Variants in FMNL2 observed in about 807,000 individuals in gnomAD.
FMNL2 encodes formin-like protein 2.
In FMNL2, 51 loss-of-function variants were observed where a neutral mutation model predicts 130.2. That is an observed-to-expected ratio of 0.39 (90% CI 0.31 to 0.49). The LOEUF is 0.49. FMNL2 is among the 20% of genes least tolerant of loss of function. The pLI is 0.85. For synonymous variants in FMNL2, 465 were observed against 467.1 expected, an observed-to-expected ratio of 1.00 and a Z score of 0.06; for missense variants, 977 against 1,316.2, an observed-to-expected ratio of 0.74 and a Z score of 3.99.
intron 1 of FMNL2, among the ~76,000 whole-genome samples, chr2:152,440,233 C>T (rs922128398): frequency 3.9e-5 from 6 of 152,142 alleles, no homozygotes; most frequent in African/African-American, 7.2e-5. Context: ...GGATTAGAGG[C>T]GTGAGCCACA....
rs374051016 is a variant in FMNL2 at position 152,510,498 on chromosome 2, T to A, written c.118-11445T>A. On this transcript the variant is annotated intron_variant, in intron 1 of 25. Coordinates refer to ENST00000288670, the MANE Select transcript of FMNL2 (RefSeq NM_052905.4). ...TGGGAATTCTTCTATTTTTATGACA[T>A]CTTAAGGAGTTTAGCAGTTTAAAAA... 3.9e-5 allele frequency among the ~76,000 whole-genome samples: 6 copies of A among 152,214 alleles called. No individual in the cohort carries two copies. In the South Asian group the frequency reaches 8.3e-4, roughly 21 times the overall value.
At chr2:152,611,239 C>G (rs535937023) in intron 10 of FMNL2, among the ~76,000 whole-genome samples, 1 of 151,882 alleles carries the variant, frequency 6.6e-6, no homozygotes, top group Admixed American at 6.6e-5. Context: ...CTCGGGAGGC[C>G]GAGGCAGGAG....
intron 1 of FMNL2, among the ~76,000 whole-genome samples, chr2:152,490,185 A>C (rs137936287): frequency 2.8e-4 from 42 of 152,068 alleles, no homozygotes; most frequent in African/African-American, 9.6e-4. Flanking sequence ...TTGCAAAAAA[A>C]GGGGAAAGAG....
chr2:152,566,597 TA>T (rs1231732434), intron 6 of FMNL2, among the ~76,000 whole-genome samples: 1 of 152,180 alleles, frequency 6.6e-6, no homozygotes, highest in Non-Finnish European at 1.5e-5. Context: ...CAAGACTGAT[TA>T]TGGACTTAGT....
At chr2:152,490,234 A>G (rs140798142) in intron 1 of FMNL2, among the ~76,000 whole-genome samples, 112 of 151,664 alleles carry the variant, frequency 7.4e-4, no homozygotes, top group African/African-American at 2.7e-3. Flanking sequence ...TGAGGCCAGC[A>G]GTAGGGAATG....
At chr2:152,587,244 A>T (rs1697134475) in intron 9 of FMNL2, among the ~76,000 whole-genome samples, 1 of 152,156 alleles carries the variant, frequency 6.6e-6, no homozygotes, top group Non-Finnish European at 1.5e-5. Context: ...CTGCCATGTT[A>T]TCTGGGTTCC....
At chr2:152,409,374 G>A (rs1220333003) in intron 1 of FMNL2, among the ~76,000 whole-genome samples, 1 of 152,136 alleles carries the variant, frequency 6.6e-6, no homozygotes, top group African/African-American at 2.4e-5. Flanking sequence ...ATGGAGAAAG[G>A]TAATAAAATC....
At position 152,416,188 on chromosome 2, in the gene FMNL2, G is replaced by A. The variant is rs570410376; in HGVS notation, c.117+80468G>A. On this transcript the variant is annotated intron_variant, in intron 1 of 25. Coordinates refer to ENST00000288670, the MANE Select transcript of FMNL2 (RefSeq NM_052905.4). ...CAGAGGTACTATTGAAACTTTCTTC[G>A]GTAACCATAAGGGAAGAGGCAGAAG... Among the ~76,000 whole-genome samples the A allele has an allele frequency of 7.2e-5, 11 of 152,204 alleles. 1 individual carries two copies. The South Asian group carries it at 1.9e-3, about 26-fold the overall frequency.
rs577260827 is a variant in FMNL2 at position 152,646,167 on chromosome 2, A to AAAAC, written c.3170-1617_3170-1614dup. Among the ~76,000 whole-genome samples, 223 of 150,198 alleles carry AAAAC rather than the reference A, an allele frequency of 1.5e-3. 1 individual carries two copies. Among genetic ancestry groups the AAAAC allele is most frequent in the Middle Eastern group, 6.8e-3 (2 of 294 alleles). On this transcript the variant is annotated intron_variant, in intron 25 of 25. Coordinates refer to ENST00000288670, the MANE Select transcript of FMNL2 (RefSeq NM_052905.4). ...AAATCCCCATCTCTACAAAAAAAAA[A>AAAAC]AAACAAACAAACAAAGTTAGCCAGG...
At chr2:152,568,222 T>TTTTTTGTTTTGTTTTGTTTTTG (rs1553478431) in intron 6 of FMNL2, among the ~76,000 whole-genome samples, 2 of 128,258 alleles carry the variant, frequency 1.6e-5, no homozygotes, top group Non-Finnish European at 3.3e-5. Flanking sequence ...TGGTGGGTTT[T>TTTTTTGTTTTGTTTTGTTTTTG]TTTTTTTTTT....
At chr2:152,606,655 C>A (rs1212083295) in intron 9 of FMNL2, among the ~76,000 whole-genome samples, 2 of 93,126 alleles carry the variant, frequency 2.1e-5, no homozygotes, top group Non-Finnish European at 4.7e-5. Flanking sequence ...TTTTTTTTAG[C>A]TCCATGTATT....
intron 1 of FMNL2, among the ~76,000 whole-genome samples, chr2:152,467,479 T>C (rs1427838628): frequency 1.3e-5 from 2 of 152,202 alleles, no homozygotes; most frequent in East Asian, 3.8e-4. Context: ...GGCCCCTGTT[T>C]CCTACAAATC....
chr2:152,450,220 T>C (rs1053642621), intron 1 of FMNL2, among the ~76,000 whole-genome samples: 3 of 152,194 alleles, frequency 2.0e-5, no homozygotes, highest in Non-Finnish European at 1.5e-5. Flanking sequence ...TAATCAGAAC[T>C]TGTAGTTAAG....
At chr2:152,646,619 G>A (rs757923098) in intron 25 of FMNL2, among the ~76,000 whole-genome samples, 67 of 152,130 alleles carry the variant, frequency 4.4e-4, no homozygotes, top group Non-Finnish European at 8.4e-4. Context: ...AACATTCTGT[G>A]GGTCAAATGT....
rs886519904 is a variant in FMNL2, at chr2:152,340,328, A to G, written c.117+4608A>G. Among the ~76,000 whole-genome samples the G allele has an allele frequency of 1.3e-5, 2 of 152,212 alleles. 1 individual carries two copies. The highest frequency in any genetic ancestry group is 4.1e-4 in the South Asian group (2 of 4,832). On this transcript the variant is annotated intron_variant, in intron 1 of 25. Coordinates refer to ENST00000288670, the MANE Select transcript of FMNL2 (RefSeq NM_052905.4). ...TGCTTCCATAGGCTTAGAACTGGGA[A>G]GAAAAAAAGGGCCTGCGACTAGCAG...
Position 152,614,966 on chromosome 2 carries a change from A to T in FMNL2, c.1178A>T (p.Glu393Val). 6.2e-7 allele frequency: 1 copy of T among 1,611,410 alleles called. No individual in the cohort carries two copies. The highest frequency in any genetic ancestry group is 8.5e-7 in the Non-Finnish European group (1 of 1,179,326). ...GCTGAAACTAAGAATGCTGCCTTGGAGAGGGTGGAAGAACTGGAAGAAAAC... is the reference window on the plus strand; with the variant it reads ...GCTGAAACTAAGAATGCTGCCTTGGTGAGGGTGGAAGAACTGGAAGAAAAC... ...EDAETKNAAL[E>V]RVEELEENIS... The change falls in exon 12 of 26, where the codon GAG becomes GTG. Residue 393 changes from glutamate (E) to valine (V), a missense_variant. This residue lies in a region of FMNL2 where 689 missense variants were observed against 995.9 expected (regional missense o/e 0.69). Transcript: ENST00000288670.
In FMNL2 at chr2:152,632,130, T is replaced by G. The variant is rs772968884; in HGVS notation, c.2673T>G (p.Ala891=). 8 of 1,610,174 alleles carry G rather than the reference T, an allele frequency of 5.0e-6. No individual in the cohort carries two copies. The Admixed American group carries it at 1.3e-4, about 27-fold the overall frequency. The change falls in exon 21 of 26, where the codon GCT becomes GCG. Residue 891 remains alanine, a synonymous_variant. Transcript: ENST00000288670. The part of the protein sequence containing the change: ...FYNELHYVEK[A]AAVSLENVLL... Reference sequence around the variant, plus strand: ...ATGAGCTTCATTATGTGGAAAAAGCTGCTGCAGGTACTTGATTTCAGCTAT... The same window carrying G: ...ATGAGCTTCATTATGTGGAAAAAGCGGCTGCAGGTACTTGATTTCAGCTAT...
At chr2:152,412,037 C>T (rs1686314841) in intron 1 of FMNL2, among the ~76,000 whole-genome samples, 1 of 152,134 alleles carries the variant, frequency 6.6e-6, no homozygotes, top group African/African-American at 2.4e-5. Context: ...AGGTTACAAA[C>T]TCATTTTGGG....
chr2:152,390,035 G>C (rs770707727), intron 1 of FMNL2: 40 of 1,579,178 alleles, frequency 2.5e-5, no homozygotes, highest in Admixed American at 5.0e-5. Flanking sequence ...AGAATCATGA[G>C]GCCCAGCTCA....
Sources: gnomAD v4.1 joint callset for allele counts (sites outside exome capture counted in the v4.1 genomes callset) on GRCh38, gnomAD v4.1.1 for gene constraint, gnomAD v4.1.1 regional missense constraint, MANE v1.5 for transcripts, NCBI Gene and HGNC (gene_info 2026-07-23, HGNC 2026-07-21) for gene names.